Variants in DOCK3 observed in about 807,000 individuals in gnomAD.
DOCK3 encodes the protein dedicator of cytokinesis protein 3.
DOCK3 carries 60 observed loss-of-function variants against 265.6 expected under a neutral mutation model. The ratio of observed to expected loss-of-function variants is 0.23; its 90% CI spans 0.18 to 0.28. The LOEUF (loss-of-function observed/expected upper bound fraction) is 0.28. Ranked by LOEUF, DOCK3 falls within the 10% of genes least tolerant of loss-of-function variation. DOCK3 has a pLI of 1.00. For missense variants in DOCK3, 1,981 were observed against 2,594.3 expected (o/e 0.76, Z 5.14); for synonymous variants, 881 against 938.0 (o/e 0.94, Z 1.11).
At chr3:51,348,635 G>A (rs2085754986) in intron 38 of DOCK3, among the ~76,000 whole-genome samples, 1 of 152,190 alleles carries the variant, frequency 6.6e-6, no homozygotes, top group South Asian at 2.1e-4. Context: ...TCTTGGAGGT[G>A]GAGACATTTG....
rs549518322 is a variant in DOCK3 at position 51,328,774 on chromosome 3, T to A, written c.3403-1364T>A. Among the ~76,000 whole-genome samples the A allele has an allele frequency of 1.8e-4, 27 of 152,312 alleles. No homozygotes were observed. The East Asian group carries it at 3.1e-3, about 17-fold the overall frequency. On this transcript the variant is annotated intron_variant, in intron 32 of 52. Coordinates refer to ENST00000266037, the MANE Select transcript of DOCK3 (RefSeq NM_004947.5). Reference sequence around the variant, plus strand: ...TCTGTAGAGTGAGAAAGGCTTCTGTTTATAGTACATTATTTCATGCAGCCA... The same window carrying A: ...TCTGTAGAGTGAGAAAGGCTTCTGTATATAGTACATTATTTCATGCAGCCA...
rs111276466 is a variant in DOCK3, at chr3:51,209,528, C to A, written c.1126+666C>A. On this transcript the variant is annotated intron_variant, in intron 13 of 52. Transcript: ENST00000266037. ...TTAAAAGCCTATATGCCTTTATAGA[C>A]CCTTGCAGATAGCTATCTAATTTAC... Among the ~76,000 whole-genome samples the A allele has an allele frequency of 5.3e-5, 8 of 152,276 alleles. 2 individuals carry two copies. Among genetic ancestry groups the A allele is most frequent in the East Asian group, 1.9e-4 (1 of 5,188 alleles).
intron 5 of DOCK3, among the ~76,000 whole-genome samples, chr3:51,061,694 C>T (rs1433388061): frequency 6.6e-6 from 1 of 151,466 alleles, no homozygotes; most frequent in African/African-American, 2.4e-5. Flanking sequence ...AACATGTACC[C>T]TAAAACTTAA....
intron 5 of DOCK3, among the ~76,000 whole-genome samples, chr3:51,031,154 A>G (rs993068866): frequency 3.3e-5 from 5 of 152,100 alleles, no homozygotes; most frequent in South Asian, 2.1e-4. Flanking sequence ...TTTTTCTTCT[A>G]TATTTTATTG....
chr3:51,266,987 A>G (rs1032006264), intron 23 of DOCK3, among the ~76,000 whole-genome samples: 1 of 151,590 alleles, frequency 6.6e-6, no homozygotes, highest in African/African-American at 2.4e-5. Flanking sequence ...ACAAGAAAAA[A>G]CCATCAAAAA....
intron 10 of DOCK3, among the ~76,000 whole-genome samples, chr3:51,151,294 G>A (rs1012311820): frequency 3.9e-5 from 6 of 151,944 alleles, no homozygotes; most frequent in South Asian, 2.1e-4. Flanking sequence ...TTTAATTGGG[G>A]CATTTAGCCC....
chr3:51,294,508 A>G (rs1576685127), intron 27 of DOCK3, among the ~76,000 whole-genome samples: 1 of 151,918 alleles, frequency 6.6e-6, no homozygotes, highest in Non-Finnish European at 1.5e-5. Context: ...GAAACCCAGT[A>G]TCTACTAAAA....
At chr3:51,320,385 C>T (rs1364386295) in intron 32 of DOCK3, among the ~76,000 whole-genome samples, 1 of 152,102 alleles carries the variant, frequency 6.6e-6, no homozygotes, top group East Asian at 1.9e-4. Context: ...AACTAGGTGG[C>T]CGTTTGGGCA....
chr3:50,713,654 A>T (rs181761655), intron 1 of DOCK3, among the ~76,000 whole-genome samples: 224 of 151,342 alleles, frequency 1.5e-3, no homozygotes, highest in East Asian at 7.0e-3. Context: ...ATATATATAT[A>T]TTTTTTGTTT....
In DOCK3 at chr3:51,330,189, GGT is replaced by G; in HGVS notation, c.3456_3457del (p.Asp1153ArgfsTer25). ...KLDSMVSEGK[G>X]DESYRELFSL... Reference sequence around the variant, plus strand: ...GGACAGCATGGTGTCAGAAGGGAAAGGTGACGAGAGCTACAGGGAGCTCTTCA... The same window carrying G: ...GGACAGCATGGTGTCAGAAGGGAAAGGACGAGAGCTACAGGGAGCTCTTCA... On this transcript the variant is annotated frameshift_variant, in exon 33 of 53. Transcript: ENST00000266037. LOFTEE classifies it high-confidence loss of function. 1 of 1,605,334 alleles carries G rather than the reference GGT, an allele frequency of 6.2e-7. No homozygotes were observed. Among genetic ancestry groups the G allele is most frequent in the Non-Finnish European group, 8.5e-7 (1 of 1,176,080 alleles).
At chr3:50,910,842 C>A (rs992198195) in intron 4 of DOCK3, among the ~76,000 whole-genome samples, 1 of 152,072 alleles carries the variant, frequency 6.6e-6, no homozygotes. Context: ...TCCTTGATAT[C>A]ATGTTAAAAC....
intron 3 of DOCK3, among the ~76,000 whole-genome samples, chr3:50,879,298 T>C (rs1360877622): frequency 6.6e-6 from 1 of 152,116 alleles, no homozygotes; most frequent in Non-Finnish European, 1.5e-5. Flanking sequence ...TAAATGTAAA[T>C]GGGCTAACTG....
intron 4 of DOCK3, among the ~76,000 whole-genome samples, chr3:50,894,187 A>C (rs1329519029): frequency 6.6e-6 from 1 of 152,076 alleles, no homozygotes; most frequent in East Asian, 1.9e-4. Flanking sequence ...CAAATTGTCA[A>C]AAGTCAAAGA....
intron 27 of DOCK3, among the ~76,000 whole-genome samples, chr3:51,286,129 AC>A (rs2081390898): frequency 1.3e-5 from 2 of 152,234 alleles, no homozygotes. Flanking sequence ...GTTTCAGGAT[AC>A]AAAAATCGAT....
At chr3:50,948,076 A>G (rs1265980019) in intron 5 of DOCK3, among the ~76,000 whole-genome samples, 1 of 110,334 alleles carries the variant, frequency 9.1e-6, no homozygotes, top group Non-Finnish European at 1.9e-5. Context: ...TATTATTTTG[A>G]GGCAGAGTTT....
At chr3:50,922,944 A>G (rs2050572244) in intron 4 of DOCK3, among the ~76,000 whole-genome samples, 3 of 151,860 alleles carry the variant, frequency 2.0e-5, no homozygotes, top group Non-Finnish European at 2.9e-5. Flanking sequence ...CGAGTCCCCA[A>G]AGTCCATTGT....
chr3:50,772,428 T>A (rs773748488), intron 1 of DOCK3, among the ~76,000 whole-genome samples: 2 of 152,168 alleles, frequency 1.3e-5, no homozygotes, highest in African/African-American at 2.4e-5. Context: ...TAATTTACAT[T>A]TTAAAATTAC....
chr3:50,996,248 C>T (rs1366277605), intron 5 of DOCK3, among the ~76,000 whole-genome samples: 5 of 145,276 alleles, frequency 3.4e-5, no homozygotes, highest in Admixed American at 6.8e-5. Context: ...GACAGAGTCT[C>T]GCTCTGTCGC....
At chr3:51,133,230 A>G (rs911044091) in intron 9 of DOCK3, among the ~76,000 whole-genome samples, 3 of 152,026 alleles carry the variant, frequency 2.0e-5, no homozygotes, top group Admixed American at 1.3e-4. Context: ...TTTGTTACAT[A>G]TGTTACATGT....
Sources: gnomAD v4.1 joint callset for allele counts (sites outside exome capture counted in the v4.1 genomes callset) on GRCh38, gnomAD v4.1.1 for gene constraint, MANE v1.5 for transcripts, NCBI Gene and HGNC (gene_info 2026-07-23, HGNC 2026-07-21) for gene names.